The following PRICKLE2 variants were observed in gnomAD, a reference collection of about 807,000 sequenced individuals.
The protein encoded by PRICKLE2 is prickle-like protein 2.
Under a neutral mutation model 81.4 loss-of-function variants are expected in PRICKLE2, and 21 were observed. That is an observed-to-expected ratio of 0.26 (90% CI 0.18 to 0.37). PRICKLE2 has a LOEUF of 0.37. Ranked by LOEUF, PRICKLE2 falls within the 10% of genes least tolerant of loss-of-function variation. The pLI is 1.00. For synonymous variants in PRICKLE2, 456 were observed against 421.5 expected (o/e 1.08, Z -1.00); for missense variants, 940 against 1,109.0 (o/e 0.85, Z 2.16).
chr3:64,132,104 C>T (rs998596793), intron 7 of PRICKLE2, among the ~76,000 whole-genome samples: 1 of 152,216 alleles, frequency 6.6e-6, no homozygotes, highest in African/African-American at 2.4e-5. Context: ...CTTTGCAAGG[C>T]CAAGTCCTTC....
chr3:64,242,721 A>G (rs958165648), intron 2 of PRICKLE2, among the ~76,000 whole-genome samples: 1 of 152,186 alleles, frequency 6.6e-6, no homozygotes, highest in Non-Finnish European at 1.5e-5. Flanking sequence ...CTTTGGGTAC[A>G]CTTCACCCAC....
chr3:64,156,399 A>C (rs1402770995), intron 5 of PRICKLE2, among the ~76,000 whole-genome samples: 3 of 152,024 alleles, frequency 2.0e-5, no homozygotes. Flanking sequence ...GATGCAAAAA[A>C]CTCCTTTGCA....
chr3:64,243,397 T>G (rs2079297625), intron 2 of PRICKLE2, among the ~76,000 whole-genome samples: 1 of 152,146 alleles, frequency 6.6e-6, no homozygotes. Flanking sequence ...CAAATATATC[T>G]CCAGAAATTG....
intron 2 of PRICKLE2, among the ~76,000 whole-genome samples, chr3:64,185,434 C>T (rs1461708045): frequency 2.0e-5 from 3 of 152,216 alleles, no homozygotes; most frequent in East Asian, 3.8e-4. Flanking sequence ...TTTTGTACCA[C>T]TCTAATAATT....
chr3:64,256,875 T>G (rs1388963272), intron 2 of PRICKLE2, among the ~76,000 whole-genome samples: 2 of 152,192 alleles, frequency 1.3e-5, no homozygotes, highest in Non-Finnish European at 2.9e-5. Flanking sequence ...TATGCATTTT[T>G]AAGGCCACCT....
intron 7 of PRICKLE2, among the ~76,000 whole-genome samples, chr3:64,120,512 A>G (rs1394286094): frequency 1.3e-5 from 2 of 152,022 alleles, no homozygotes; most frequent in Non-Finnish European, 2.9e-5. Flanking sequence ...AGGTCTCCAG[A>G]CTCTAAGGCA....
intron 7 of PRICKLE2, among the ~76,000 whole-genome samples, chr3:64,117,910 A>G (rs766016526): frequency 1.3e-5 from 2 of 152,228 alleles, no homozygotes; most frequent in Admixed American, 1.3e-4. Context: ...CCTAAGCAAA[A>G]AAGAACAAAG....
rs748395499 is a variant in PRICKLE2 at position 64,099,936 on chromosome 3, G to C, written c.1661-11C>G. ...CATCAGCAGAGAGGCCTGGGGAAGA[G>C]AGGAGGGGACCACAGAGATTAATAC... On this transcript the variant is annotated splice_polypyrimidine_tract_variant and intron_variant, in intron 7 of 7. Transcript: ENST00000638394. This position sits in a 1 kb window ranked among gnomAD's most constrained non-coding sequence, Gnocchi z 4.3. 14 of 1,613,738 alleles carry C rather than the reference G, an allele frequency of 8.7e-6. No homozygotes were observed. Among genetic ancestry groups the C allele is most frequent in the Middle Eastern group, 1.6e-4 (1 of 6,076 alleles).
rs887155368 is a variant in PRICKLE2, at chr3:64,146,569, C to T, written c.1660+261G>A. The T allele has an allele frequency of 1.6e-5, 7 of 430,992 alleles. 1 individual carries two copies. The highest frequency in any genetic ancestry group is 4.6e-5 in the South Asian group (2 of 43,574). The allele number at this position is 430,992 out of a possible 1,614,324, so 26.7% of individuals were successfully genotyped here. The stretch of plus-strand genomic sequence containing the variant: ...ACATCCCGGCTAACACGGTGAAACA[C>T]GTGTGTACTAAAAATACAAAAAAAT... On this transcript the variant is annotated intron_variant, in intron 7 of 7. Transcript: ENST00000638394.
chr3:64,099,290 C>G lies in PRICKLE2; in HGVS notation c.2296G>C (p.Gly766Arg). The change falls in exon 8 of 8, where the codon GGA (glycine) becomes CGA (arginine). Residue 766 changes from glycine (G) to arginine (R), a missense_variant. Coordinates refer to ENST00000638394, the MANE Select transcript of PRICKLE2 (RefSeq NM_198859.4). The surrounding 1 kb of genome is among the most constrained non-coding windows in gnomAD (Gnocchi z 4.3). ...CAATCATACTCGGCGAAGTAGGGTC[C>G]CCAGCGGTCCCCAAAGGCATTCTGC... ...ALQNAFGDRWGPYFAEYDWCS... is the reference protein window; with the variant it reads ...ALQNAFGDRWRPYFAEYDWCS... 2 of 1,614,188 alleles carry G rather than the reference C, an allele frequency of 1.2e-6. No homozygotes were observed. The highest frequency in any genetic ancestry group is 4.5e-5 in the East Asian group (2 of 44,856).
intron 1 of PRICKLE2, among the ~76,000 whole-genome samples, chr3:64,210,293 C>CT (rs898926304): frequency 5.4e-4 from 82 of 152,260 alleles, no homozygotes; most frequent in Non-Finnish European, 1.5e-4. Flanking sequence ...AGCCACAATA[C>CT]TTTGTTTTTC....
chr3:64,117,132 T>C (rs2076947308), intron 7 of PRICKLE2, among the ~76,000 whole-genome samples: 2 of 152,124 alleles, frequency 1.3e-5, no homozygotes, highest in African/African-American at 4.8e-5. Flanking sequence ...TGGAAAAGGA[T>C]TTTGATAAAA....
intron 2 of PRICKLE2, 150 bp from the exon 3 acceptor site, chr3:64,163,279 T>C (rs2077764213): frequency 4.3e-6 from 3 of 694,234 alleles, no homozygotes; most frequent in East Asian, 2.7e-5. Context: ...GAGTTTCCTA[T>C]GGTAAGCAGA....
At chr3:64,114,990 A>T (rs551277213) in intron 7 of PRICKLE2, among the ~76,000 whole-genome samples, 4 of 152,378 alleles carry the variant, frequency 2.6e-5, no homozygotes, top group Non-Finnish European at 5.9e-5. Flanking sequence ...CATCAGACTG[A>T]CAGCAGACTT....
At chr3:64,221,761 T>C (rs575820250) in intron 1 of PRICKLE2, among the ~76,000 whole-genome samples, 4 of 152,290 alleles carry the variant, frequency 2.6e-5, no homozygotes, top group Admixed American at 2.6e-4. Context: ...TTGACTCTTG[T>C]GTGCTTACAG....
chr3:64,130,590 C>T (rs1203476607), intron 7 of PRICKLE2, among the ~76,000 whole-genome samples: 19 of 152,184 alleles, frequency 1.2e-4, no homozygotes, highest in Admixed American at 1.2e-3. Context: ...AATTCTGTCT[C>T]ACACATGTAC....
At chr3:64,166,697 C>A (rs1176609411) in intron 2 of PRICKLE2, among the ~76,000 whole-genome samples, 1 of 152,138 alleles carries the variant, frequency 6.6e-6, no homozygotes, top group Admixed American at 6.5e-5. Flanking sequence ...TAGCAAGATG[C>A]CCCATTTCTA....
intron 7 of PRICKLE2, among the ~76,000 whole-genome samples, chr3:64,119,845 G>T (rs2076997653): frequency 6.6e-6 from 1 of 152,158 alleles, no homozygotes; most frequent in Non-Finnish European, 1.5e-5. Context: ...AGAAAATGTG[G>T]GGCATGTACA....
chr3:64,172,929 C>A (rs1304838740), intron 2 of PRICKLE2, among the ~76,000 whole-genome samples: 2 of 152,188 alleles, frequency 1.3e-5, no homozygotes, highest in Non-Finnish European at 2.9e-5. Context: ...CTGCTGACAT[C>A]TTGATCTTGA....
Sources: gnomAD v4.1 joint callset for allele counts (sites outside exome capture counted in the v4.1 genomes callset) on GRCh38, gnomAD v4.1.1 for gene constraint, Gnocchi (gnomAD v3.1) non-coding constraint, MANE v1.5 for transcripts, NCBI Gene and HGNC (gene_info 2026-07-23, HGNC 2026-07-21) for gene names.